The following SLC24A3 variants were observed in gnomAD, a reference collection of about 807,000 sequenced individuals.
SLC24A3 encodes sodium/potassium/calcium exchanger 3.
SLC24A3 carries 28 observed loss-of-function variants against 75.8 expected under a neutral mutation model. That is an observed-to-expected ratio of 0.37 (90% confidence interval 0.27 to 0.51). The LOEUF (loss-of-function observed/expected upper bound fraction) is 0.51. Ranked by LOEUF, SLC24A3 falls within the 20% of genes least tolerant of loss-of-function variation. SLC24A3 has a pLI of 0.94. For synonymous variants in SLC24A3, 372 were observed against 334.1 expected, an observed-to-expected ratio of 1.11 and a Z score of -1.24; for missense variants, 663 against 847.8, an observed-to-expected ratio of 0.78 and a Z score of 2.71.
chr20:19,475,687 A>G (rs1987950714), intron 2 of SLC24A3, among the ~76,000 whole-genome samples: 1 of 152,238 alleles, frequency 6.6e-6, no homozygotes, highest in South Asian at 2.1e-4. Context: ...CACAACCTAT[A>G]TAAAGAAAAC....
chr20:19,687,447 A>G (rs985809400), intron 12 of SLC24A3, among the ~76,000 whole-genome samples: 1 of 152,112 alleles, frequency 6.6e-6, no homozygotes, highest in Non-Finnish European at 1.5e-5. Context: ...AGCTCATCCC[A>G]CTCACAGACC....
chr20:19,257,304 G>A (rs1982844017), intron 1 of SLC24A3, among the ~76,000 whole-genome samples: 1 of 152,198 alleles, frequency 6.6e-6, no homozygotes, highest in African/African-American at 2.4e-5. Context: ...TATAGTCTAA[G>A]CCTGAACAGC....
chr20:19,292,461 A>G (rs1983964061), intron 2 of SLC24A3, among the ~76,000 whole-genome samples: 2 of 152,214 alleles, frequency 1.3e-5, no homozygotes, highest in African/African-American at 4.8e-5. Flanking sequence ...AAAGCACAGG[A>G]GCCAGTCACA....
intron 2 of SLC24A3, among the ~76,000 whole-genome samples, chr20:19,401,250 G>C (rs1328038338): frequency 6.6e-6 from 1 of 152,216 alleles, no homozygotes; most frequent in Non-Finnish European, 1.5e-5. Context: ...ACAGAAGTGG[G>C]ATGGTGCTGC....
intron 2 of SLC24A3, among the ~76,000 whole-genome samples, chr20:19,448,512 G>C (rs576667071): frequency 1.3e-5 from 2 of 152,070 alleles, no homozygotes; most frequent in Non-Finnish European, 2.9e-5. Flanking sequence ...CTGAACCCTC[G>C]AATCACAGCG....
intron 2 of SLC24A3, among the ~76,000 whole-genome samples, chr20:19,460,309 A>G (rs1024903059): frequency 6.6e-5 from 10 of 152,078 alleles, no homozygotes; most frequent in African/African-American, 2.2e-4. Flanking sequence ...GAGTTACCCT[A>G]TAGGCCAGTG....
At chr20:19,220,610 C>T (rs1981681302) in intron 1 of SLC24A3, among the ~76,000 whole-genome samples, 1 of 152,170 alleles carries the variant, frequency 6.6e-6, no homozygotes, top group African/African-American at 2.4e-5. Flanking sequence ...ATAGAGCTGA[C>T]ATTTGAAAGT....
At chr20:19,405,050 T>TC (rs1461640404) in intron 2 of SLC24A3, among the ~76,000 whole-genome samples, 1 of 152,124 alleles carries the variant, frequency 6.6e-6, no homozygotes, top group African/African-American at 2.4e-5. Flanking sequence ...AGGTCCTACA[T>TC]CCACAGGGTG....
intron 1 of SLC24A3, among the ~76,000 whole-genome samples, chr20:19,233,489 T>A (rs1982082791): frequency 6.6e-6 from 1 of 152,108 alleles, no homozygotes; most frequent in Non-Finnish European, 1.5e-5. Context: ...CTTTTCTAAG[T>A]CATTGGAAAG....
At chr20:19,464,541 A>C (rs570472978) in intron 2 of SLC24A3, among the ~76,000 whole-genome samples, 6 of 152,326 alleles carry the variant, frequency 3.9e-5, no homozygotes, top group African/African-American at 1.4e-4. Context: ...GCTTTAGATC[A>C]CCAAACGGTG....
chr20:19,647,493 A>G (rs2032153052), intron 6 of SLC24A3, among the ~76,000 whole-genome samples: 1 of 152,160 alleles, frequency 6.6e-6, no homozygotes, highest in Admixed American at 6.5e-5. Flanking sequence ...ATATCCTTAC[A>G]CCTGGTACCC....
Position 19,515,366 on chromosome 20 carries a change from A to C in SLC24A3, c.272-122A>C, listed in dbSNP as rs1433206698. ...ATTCTGGTTAGTTTTGTGAACTTAAAGATTCAGGATCTTTTTTTCATCCAA... is the reference window on the plus strand; with the variant it reads ...ATTCTGGTTAGTTTTGTGAACTTAACGATTCAGGATCTTTTTTTCATCCAA... On this transcript the variant is annotated intron_variant, in intron 2 of 16. Coordinates refer to ENST00000328041, the MANE Select transcript of SLC24A3 (RefSeq NM_020689.4). 1.6e-5 allele frequency: 15 copies of C among 949,692 alleles called. No individual in the cohort carries two copies. The South Asian group carries it at 2.3e-4, about 14-fold the overall frequency. 58.8% of individuals were successfully genotyped at this position (949,692 alleles called of 1,614,324 possible). A position where few individuals can be genotyped will look rare whatever the true frequency, so the allele number is the denominator to read the frequency against.
At chr20:19,366,752 G>A (rs1180064622) in intron 2 of SLC24A3, among the ~76,000 whole-genome samples, 1 of 152,202 alleles carries the variant, frequency 6.6e-6, no homozygotes, top group Non-Finnish European at 1.5e-5. Flanking sequence ...CCCATATTGA[G>A]GGGAGTGTGT....
Position 19,592,793 on chromosome 20 carries a change from C to CTTTTTTT in SLC24A3, c.612+7252_612+7253insTTTTTTT, listed in dbSNP as rs11471623. Among the ~76,000 whole-genome samples, 28 of 119,658 alleles carry CTTTTTTT rather than the reference C, an allele frequency of 2.3e-4. 1 individual carries two copies. Among genetic ancestry groups the CTTTTTTT allele is most frequent in the Non-Finnish European group, 2.7e-4 (16 of 58,636 alleles). The allele number at this position is 119,658 out of a possible 152,430, so 78.5% of individuals were successfully genotyped here. A position where few individuals can be genotyped will look rare whatever the true frequency, so the allele number is the denominator to read the frequency against. On this transcript the variant is annotated intron_variant, in intron 6 of 16. Transcript: ENST00000328041. ...TCTTCGGCAAAAATTTTCTTTCTTT[C>CTTTTTTT]TTTCTTTTTTTTTTTTTTTTGAGAT...
intron 2 of SLC24A3, among the ~76,000 whole-genome samples, chr20:19,375,253 T>TA (rs1986063989): frequency 6.6e-6 from 1 of 152,190 alleles, no homozygotes; most frequent in Admixed American, 6.5e-5. Context: ...CCAGGCTCCT[T>TA]AGGGAGAAGG....
At chr20:19,581,522 C>A (rs984098634) in intron 4 of SLC24A3, among the ~76,000 whole-genome samples, 6 of 152,010 alleles carry the variant, frequency 3.9e-5, no homozygotes, top group African/African-American at 1.4e-4. Context: ...AGGTGTGAGT[C>A]TTTTAACAAA....
intron 3 of SLC24A3, among the ~76,000 whole-genome samples, chr20:19,564,392 CCAA>C (rs769872345): frequency 6.6e-6 from 1 of 152,274 alleles, no homozygotes; most frequent in Non-Finnish European, 1.5e-5. Context: ...ATCATCATCA[CCAA>C]CATCTTTGTC....
chr20:19,693,127 A>G (rs6112526), intron 12 of SLC24A3, 132 bp from the exon 13 acceptor site: 262,116 of 971,766 alleles, frequency 0.27, 37,334 homozygotes, highest in African/African-American at 0.41. Flanking sequence ...AATGTTTTAG[A>G]AAAAGAGCAA....
At chr20:19,391,089 A>G (rs915086991) in intron 2 of SLC24A3, among the ~76,000 whole-genome samples, 5 of 152,254 alleles carry the variant, frequency 3.3e-5, no homozygotes, top group Non-Finnish European at 7.3e-5. Context: ...TCCTGGGACC[A>G]GAACATCTTG....
Sources: allele counts gnomAD v4.1 joint callset (sites outside exome capture counted in the v4.1 genomes callset), GRCh38; gene constraint gnomAD v4.1.1; transcripts MANE v1.5; gene names NCBI Gene and HGNC (gene_info 2026-07-23, HGNC 2026-07-21).